The following TMEM116 variants were observed in gnomAD, a reference collection of about 807,000 sequenced individuals.
TMEM116 encodes transmembrane protein 116.
Under a neutral mutation model 44.3 loss-of-function variants are expected in TMEM116, and 38 were observed. The observed-to-expected ratio is 0.86, with a 90% CI of 0.66 to 1.12. The LOEUF is 1.12. Among genes scored for constraint, TMEM116 ranks in the 50% most tolerant of loss-of-function variants. The pLI is 0.00. For synonymous variants in TMEM116, 132 were observed against 144.8 expected (o/e 0.91, Z 0.64); for missense variants, 354 against 401.7 (o/e 0.88, Z 1.01).
chr12:111,999,228 T>C (rs2077100089), intron 3 of TMEM116, among the ~76,000 whole-genome samples: 1 of 151,756 alleles, frequency 6.6e-6, no homozygotes, highest in Admixed American at 6.6e-5. Flanking sequence ...TATTTGTCCT[T>C]TTTTTTTACT....
intron 4 of TMEM116, among the ~76,000 whole-genome samples, chr12:111,943,692 G>T: frequency 6.6e-6 from 1 of 152,024 alleles, no homozygotes; most frequent in Non-Finnish European, 1.5e-5. Context: ...GTGCCACTAC[G>T]CCCCGCTAAT....
chr12:111,978,829 T>C (rs1350455372), intron 4 of TMEM116: 3 of 415,630 alleles, frequency 7.2e-6, no homozygotes, highest in Non-Finnish European at 1.5e-5. Flanking sequence ...ACACATTGTA[T>C]GGTAATTTGT....
intron 4 of TMEM116, among the ~76,000 whole-genome samples, chr12:111,977,326 TGAAA>T (rs1448256541): frequency 7.2e-5 from 11 of 152,248 alleles, no homozygotes; most frequent in African/African-American, 2.4e-4. Flanking sequence ...TTTAAACTGT[TGAAA>T]GAAAGAACCA....
intron 4 of TMEM116, among the ~76,000 whole-genome samples, chr12:111,945,398 C>A (rs2073188647): frequency 6.6e-6 from 1 of 150,970 alleles, no homozygotes; most frequent in Non-Finnish European, 1.5e-5. Context: ...TTCATTTACG[C>A]CCAGTAGAGG....
intron 4 of TMEM116, among the ~76,000 whole-genome samples, chr12:111,960,511 A>AG (rs2074502435): frequency 1.3e-5 from 2 of 149,908 alleles, no homozygotes; most frequent in Non-Finnish European, 3.0e-5. Flanking sequence ...AAAAAAAAAA[A>AG]AAAAAAAGAA....
intron 1 of TMEM116, among the ~76,000 whole-genome samples, chr12:112,008,310 G>A (rs2077681857): frequency 6.6e-6 from 1 of 151,990 alleles, no homozygotes; most frequent in Non-Finnish European, 1.5e-5. Flanking sequence ...GTGAAACCCC[G>A]CCTCTACTAA....
Position 111,980,287 on chromosome 12 carries a change from C to T in TMEM116, c.210+11471G>A, listed in dbSNP as rs139245536. On this transcript the variant is annotated intron_variant, in intron 4 of 10. Coordinates refer to ENST00000552374, the MANE Select transcript of TMEM116 (RefSeq NM_001193531.2). ...AAAAGACCTGGAAGAACCTTAAATACATATTGCTAAGTGAAAAGAAGTCAA... is the reference window on the plus strand; with the variant it reads ...AAAAGACCTGGAAGAACCTTAAATATATATTGCTAAGTGAAAAGAAGTCAA... Among the ~76,000 whole-genome samples, 697 of 152,250 alleles carry T rather than the reference C, an allele frequency of 4.6e-3. 7 individuals carry two copies. Among genetic ancestry groups the T allele is most frequent in the African/African-American group, 0.015 (636 of 41,548 alleles).
chr12:111,942,795 G>T (rs996448035), intron 5 of TMEM116, among the ~76,000 whole-genome samples: 1 of 147,010 alleles, frequency 6.8e-6, no homozygotes, highest in African/African-American at 2.5e-5. Flanking sequence ...TGTGTGTGTG[G>T]GTGTGTGTAT....
chr12:111,947,803 C>G (rs2073403307), intron 4 of TMEM116, among the ~76,000 whole-genome samples: 1 of 151,952 alleles, frequency 6.6e-6, no homozygotes, highest in Admixed American at 6.6e-5. Context: ...ACAAATTTTC[C>G]AAAACTCCAA....
At position 111,931,822 on chromosome 12, in the gene TMEM116, T is replaced by G; in HGVS notation, c.813A>C (p.Leu271=). 1 of 1,517,070 alleles carries G rather than the reference T, an allele frequency of 6.6e-7. No homozygotes were observed. Among genetic ancestry groups the G allele is most frequent in the Non-Finnish European group, 8.8e-7 (1 of 1,136,076 alleles). The allele number at this position is 1,517,070 out of a possible 1,614,324, so 94.0% of individuals were successfully genotyped here. A position where few individuals can be genotyped will look rare whatever the true frequency, so the allele number is the denominator to read the frequency against. The change falls in exon 11 of 11, where the codon CTA becomes CTC. Residue 271 remains leucine, a synonymous_variant. Transcript: ENST00000552374. ...TGAGTAGACCCTGAGATGTTGCCGT[T>G]AGAGCCTGGAGGAGATGAAGGGGTG... ...LHMALYVLQA[L]TATSQGLLNC...
At chr12:111,996,903 G>T (rs1281051848) in intron 3 of TMEM116, among the ~76,000 whole-genome samples, 1 of 151,928 alleles carries the variant, frequency 6.6e-6, no homozygotes. Flanking sequence ...TAATATTGAG[G>T]GATAAAAGCA....
intron 1 of TMEM116, among the ~76,000 whole-genome samples, chr12:112,006,719 C>A (rs1435105550): frequency 6.6e-6 from 1 of 152,156 alleles, no homozygotes; most frequent in African/African-American, 2.4e-5. Flanking sequence ...CACAGAGTAG[C>A]ATTCAAAGAA....
chr12:111,981,818 T>C (rs964356789), intron 4 of TMEM116, among the ~76,000 whole-genome samples: 3 of 152,236 alleles, frequency 2.0e-5, no homozygotes, highest in Non-Finnish European at 4.4e-5. Flanking sequence ...AAAGAAAATA[T>C]GTTATATATA....
chr12:111,965,296 T>C (rs1037423526), intron 4 of TMEM116, among the ~76,000 whole-genome samples: 3 of 152,226 alleles, frequency 2.0e-5, no homozygotes, highest in African/African-American at 4.8e-5. Flanking sequence ...AGGTGAACTT[T>C]TACTTTTCAG....
chr12:111,932,034 C>T (rs575258772), intron 10 of TMEM116, among the ~76,000 whole-genome samples: 1 of 152,264 alleles, frequency 6.6e-6, no homozygotes, highest in South Asian at 2.1e-4. Context: ...GTTGGTCATA[C>T]TTCTTAGTAT....
At chr12:111,989,741 T>C (rs955921766) in intron 4 of TMEM116, among the ~76,000 whole-genome samples, 1 of 152,110 alleles carries the variant, frequency 6.6e-6, no homozygotes, top group Admixed American at 6.6e-5. Flanking sequence ...ACATTGGAAA[T>C]ATCCAACAAA....
At chr12:111,996,739 A>G in intron 3 of TMEM116, among the ~76,000 whole-genome samples, 1 of 152,234 alleles carries the variant, frequency 6.6e-6, no homozygotes, top group Non-Finnish European at 1.5e-5. Context: ...GAATGCTTAT[A>G]CAATAATGCT....
At chr12:111,966,143 T>A (rs559201182) in intron 4 of TMEM116, among the ~76,000 whole-genome samples, 84 of 151,920 alleles carry the variant, frequency 5.5e-4, no homozygotes, top group Non-Finnish European at 9.3e-4. Flanking sequence ...CTATCTCCAC[T>A]AAAAGTACAA....
chr12:111,940,523 G>GTATATA lies in TMEM116; in HGVS notation c.316-2319_316-2314dup, dbSNP rs759583297. ...CATATATATACACACATATATATGT[G>GTATATA]TATATATATATATATATATATACAC... On this transcript the variant is annotated intron_variant, in intron 5 of 10. Coordinates refer to ENST00000552374, the MANE Select transcript of TMEM116 (RefSeq NM_001193531.2). Among the ~76,000 whole-genome samples the GTATATA allele has an allele frequency of 4.0e-4, 42 of 104,932 alleles. 1 individual carries two copies. The highest frequency in any genetic ancestry group is 2.7e-3 in the East Asian group (4 of 1,494). 68.8% of individuals were successfully genotyped at this position (104,932 alleles called of 152,430 possible).
Sources: allele counts gnomAD v4.1 joint callset (sites outside exome capture counted in the v4.1 genomes callset), GRCh38; gene constraint gnomAD v4.1.1; transcripts MANE v1.5; gene names NCBI Gene and HGNC (gene_info 2026-07-23, HGNC 2026-07-21).